SLC66A2: variants seen among roughly 807,000 people sequenced by gnomAD.
SLC66A2 encodes solute carrier family 66 member 2, also known as PQ loop repeat containing 1.
Under a neutral mutation model 25.5 loss-of-function variants are expected in SLC66A2, and 23 were observed. The ratio of observed to expected loss-of-function variants is 0.90; its 90% CI spans 0.65 to 1.28. The LOEUF (loss-of-function observed/expected upper bound fraction) is 1.28. Ranked by LOEUF, SLC66A2 falls within the 50% of genes most tolerant of loss-of-function variation. The probability of loss-of-function intolerance (pLI) is 0.00; values close to 1 mark genes in which losing one functional copy is unlikely to be tolerated. For missense variants in SLC66A2, 396 were observed against 373.1 expected (o/e 1.06, Z -0.51); for synonymous variants, 193 against 166.5 (o/e 1.16, Z -1.23).
intron 2 of SLC66A2, among the ~76,000 whole-genome samples, chr18:79,949,072 G>A (rs770240380): frequency 5.9e-5 from 9 of 152,074 alleles, no homozygotes; most frequent in South Asian, 4.1e-4. Flanking sequence ...GACGGGACTC[G>A]GACCCAAAAT....
intron 4 of SLC66A2, among the ~76,000 whole-genome samples, chr18:79,933,036 C>CA (rs1986725491): frequency 6.6e-6 from 1 of 152,060 alleles, no homozygotes; most frequent in South Asian, 2.1e-4. Flanking sequence ...AATACAGATA[C>CA]AAAAAATCCC....
At chr18:79,911,444 G>A (rs933548426) in intron 5 of SLC66A2, among the ~76,000 whole-genome samples, 1 of 152,256 alleles carries the variant, frequency 6.6e-6, no homozygotes, top group Admixed American at 6.5e-5. Flanking sequence ...TCAGACGGGG[G>A]CCGGCAGGAC....
chr18:79,923,598 G>A (rs568227634), intron 4 of SLC66A2, among the ~76,000 whole-genome samples: 6 of 152,232 alleles, frequency 3.9e-5, no homozygotes, highest in Admixed American at 3.9e-4. Context: ...AACTCAAAAT[G>A]GATCAAAAAC....
chr18:79,904,276 C>G lies in SLC66A2; in HGVS notation c.609-93G>C. ...CCTGGGGCTTAGACAGCGGGGAGAC[C>G]TGGGGCTCAGGGGCACCCAGGGGGC... On this transcript the variant is annotated intron_variant, in intron 5 of 5. Transcript: ENST00000397778. This position sits in a 1 kb window ranked among gnomAD's most constrained non-coding sequence, Gnocchi z 6.3. 1 of 1,213,964 alleles carries G rather than the reference C, an allele frequency of 8.2e-7. No individual in the cohort carries two copies. The highest frequency in any genetic ancestry group is 1.2e-6 in the Non-Finnish European group (1 of 838,148). The allele number at this position is 1,213,964 out of a possible 1,614,324, so 75.2% of individuals were successfully genotyped here.
At position 79,918,027 on chromosome 18, in the gene SLC66A2, T is replaced by A. The variant is rs1394516712; in HGVS notation, c.608+1157A>T. 4.0e-5 allele frequency among the ~76,000 whole-genome samples: 6 copies of A among 151,278 alleles called. No homozygotes were observed. Among genetic ancestry groups the A allele is most frequent in the African/African-American group, 1.5e-4 (6 of 41,068 alleles). The stretch of plus-strand genomic sequence containing the variant: ...CACCTGTAACTGCAACCCACACCTA[T>A]AACCCTGGCCTGCACCTACATCTCA... On this transcript the variant is annotated intron_variant, in intron 5 of 5. Transcript: ENST00000397778. The surrounding 1 kb of genome is among the most constrained non-coding windows in gnomAD (Gnocchi z 4.0).
chr18:79,948,673 G>C (rs2051013986), intron 2 of SLC66A2, among the ~76,000 whole-genome samples: 1 of 152,084 alleles, frequency 6.6e-6, no homozygotes, highest in African/African-American at 2.4e-5. Flanking sequence ...TTTGAACTAT[G>C]AGCATACTGG....
rs1179654840 is a variant in SLC66A2 at position 79,927,188 on chromosome 18, C to T, written c.391+6781G>A. On this transcript the variant is annotated intron_variant, in intron 4 of 5. Transcript: ENST00000397778. This position sits in a 1 kb window ranked among gnomAD's most constrained non-coding sequence, Gnocchi z 6.2. Reference sequence around the variant, plus strand: ...GCAGAGCCTGTCCTTGGAAACGGCCCGGCCACCTGGGAGGGAACAAACAGG... The same window carrying T: ...GCAGAGCCTGTCCTTGGAAACGGCCTGGCCACCTGGGAGGGAACAAACAGG... 3.3e-5 allele frequency among the ~76,000 whole-genome samples: 5 copies of T among 152,220 alleles called. No individual in the cohort carries two copies. Among genetic ancestry groups the T allele is most frequent in the Admixed American group, 3.3e-4 (5 of 15,288 alleles).
At chr18:79,914,655 T>C (rs529458640) in intron 5 of SLC66A2, among the ~76,000 whole-genome samples, 39 of 152,046 alleles carry the variant, frequency 2.6e-4, no homozygotes, top group Non-Finnish European at 5.0e-4. Flanking sequence ...CCTGGACCCA[T>C]GCGGAGAAGC....
chr18:79,928,722 C>T (rs978408039), intron 4 of SLC66A2, among the ~76,000 whole-genome samples: 10 of 152,168 alleles, frequency 6.6e-5, no homozygotes, highest in African/African-American at 2.4e-4. Flanking sequence ...CCCTCTCCCC[C>T]AGTGCCACTG....
rs1195600337 is a variant in SLC66A2, at chr18:79,919,166, G to T, written c.608+18C>A. 4 of 1,608,556 alleles carry T rather than the reference G, an allele frequency of 2.5e-6. No individual in the cohort carries two copies. The highest frequency in any genetic ancestry group is 2.6e-6 in the Non-Finnish European group (3 of 1,176,464). ...CCTCTGGAGCAGTGGTGCTTCCGTGGCGGCATCCCCGGCCTACCTCATGCC... is the reference window on the plus strand; with the variant it reads ...CCTCTGGAGCAGTGGTGCTTCCGTGTCGGCATCCCCGGCCTACCTCATGCC... On this transcript the variant is annotated intron_variant, in intron 5 of 5. Transcript: ENST00000397778.
Position 79,940,125 on chromosome 18 carries a change from C to T in SLC66A2, c.337+3204G>A, listed in dbSNP as rs748690943. On this transcript the variant is annotated intron_variant, in intron 3 of 5. Coordinates refer to ENST00000397778, the MANE Select transcript of SLC66A2 (RefSeq NM_025078.5). This position sits in a 1 kb window ranked among gnomAD's most constrained non-coding sequence, Gnocchi z 4.1. ...GGCCATCATCCTTAGCAAACTAACA[C>T]GGGAACAGAAGACCAAATGCCGCAT... Among the ~76,000 whole-genome samples the T allele has an allele frequency of 2.6e-5, 4 of 152,100 alleles. No individual in the cohort carries two copies. Among genetic ancestry groups the T allele is most frequent in the African/African-American group, 7.2e-5 (3 of 41,398 alleles).
At position 79,918,223 on chromosome 18, in the gene SLC66A2, G is replaced by A. The variant is rs188734711; in HGVS notation, c.608+961C>T. ...AGAGTGCTGTGGCCCCTGGGCACCC[G>A]TTCTCCAACACAAAAACGCGTCAGC... On this transcript the variant is annotated intron_variant, in intron 5 of 5. Coordinates refer to ENST00000397778, the MANE Select transcript of SLC66A2 (RefSeq NM_025078.5). The surrounding 1 kb of genome is among the most constrained non-coding windows in gnomAD (Gnocchi z 4.0). 9.2e-5 allele frequency among the ~76,000 whole-genome samples: 14 copies of A among 152,270 alleles called. No homozygotes were observed. The highest frequency in any genetic ancestry group is 2.4e-4 in the African/African-American group (10 of 41,554).
intron 5 of SLC66A2, chr18:79,916,067 CCCA>C (rs1984005645): frequency 5.8e-6 from 1 of 173,228 alleles, no homozygotes; most frequent in East Asian, 2.7e-4. Flanking sequence ...CGCTCCCATA[CCCA>C]CAGCGCTCCC....
intron 2 of SLC66A2, among the ~76,000 whole-genome samples, chr18:79,946,293 G>A (rs1381258950): frequency 6.6e-6 from 1 of 152,140 alleles, no homozygotes; most frequent in African/African-American, 2.4e-5. Flanking sequence ...GATGCACAAG[G>A]AACAAAATGA....
intron 4 of SLC66A2, chr18:79,930,296 T>C (rs879626968): frequency 8.6e-5 from 13 of 151,976 alleles, no homozygotes; most frequent in Non-Finnish European, 1.6e-4. Flanking sequence ...GGCAGTGGAA[T>C]AACATATTCA....
chr18:79,913,669 C>T (rs1331677235), intron 5 of SLC66A2, among the ~76,000 whole-genome samples: 1 of 152,228 alleles, frequency 6.6e-6, no homozygotes, highest in Non-Finnish European at 1.5e-5. Context: ...GTACACGAGA[C>T]ACAGGACTTT....
chr18:79,922,154 G>A (rs192826531), intron 4 of SLC66A2, among the ~76,000 whole-genome samples: 3 of 152,076 alleles, frequency 2.0e-5, no homozygotes, highest in Admixed American at 6.6e-5. Flanking sequence ...CATAAAAGAC[G>A]CTGACATCAG....
At chr18:79,943,491 A>C (rs773785444) in intron 2 of SLC66A2, 29 bp from the exon 3 acceptor site, 5 of 1,606,304 alleles carry the variant, frequency 3.1e-6, no homozygotes, top group South Asian at 1.1e-5. Flanking sequence ...GTCAGGAGGG[A>C]GGTCCACCCA....
chr18:79,924,385 G>A (rs899702577), intron 4 of SLC66A2, among the ~76,000 whole-genome samples: 10 of 152,144 alleles, frequency 6.6e-5, no homozygotes, highest in East Asian at 1.9e-4. Flanking sequence ...ACAGGCGAGC[G>A]CACAGACAGC....
Sources: allele counts gnomAD v4.1 joint callset (sites outside exome capture counted in the v4.1 genomes callset), GRCh38; gene constraint gnomAD v4.1.1; non-coding constraint Gnocchi (gnomAD v3.1); transcripts MANE v1.5; gene names NCBI Gene and HGNC (gene_info 2026-07-23, HGNC 2026-07-21).